Variants in TRPM3 observed in about 807,000 individuals in gnomAD.
TRPM3 encodes long transient receptor potential channel 3.
Under a neutral mutation model 181.2 loss-of-function variants are expected in TRPM3, and 77 were observed. That is an observed-to-expected ratio of 0.42 (90% CI 0.35 to 0.51). TRPM3 has a LOEUF of 0.51. Among genes scored for constraint, TRPM3 ranks in the 20% least tolerant of loss-of-function variants. The pLI is 0.01. For missense variants in TRPM3, 1,759 were observed against 2,196.7 expected (o/e 0.80, Z 3.98); for synonymous variants, 745 against 796.4 (o/e 0.94, Z 1.09).
At chr9:71,363,606 A>C (rs976380468) in intron 1 of TRPM3, among the ~76,000 whole-genome samples, 1 of 152,220 alleles carries the variant, frequency 6.6e-6, no homozygotes, top group Non-Finnish European at 1.5e-5. Context: ...CTAGAAGCTC[A>C]TAAGCCCAGA....
intron 1 of TRPM3, among the ~76,000 whole-genome samples, chr9:70,985,758 C>T (rs1167427914): frequency 1.3e-5 from 2 of 151,952 alleles, no homozygotes; most frequent in Admixed American, 6.6e-5. Context: ...TATGATTTAA[C>T]AAGGGAAGGG....
chr9:71,218,110 C>A (rs531507165), intron 1 of TRPM3, among the ~76,000 whole-genome samples: 32 of 152,232 alleles, frequency 2.1e-4, no homozygotes, highest in African/African-American at 7.7e-4. Flanking sequence ...AGAAAAGGGA[C>A]GTGGTTATTT....
chr9:71,123,526 C>T (rs556980695), upstream of TRPM3, among the ~76,000 whole-genome samples: 362 of 152,308 alleles, frequency 2.4e-3, 3 homozygotes, highest in Middle Eastern at 0.027. Flanking sequence ...GTACCATGAT[C>T]CATCTTCTGG....
At chr9:70,642,599 C>T (rs1205256209) in intron 9 of TRPM3, among the ~76,000 whole-genome samples, 2 of 152,116 alleles carry the variant, frequency 1.3e-5, no homozygotes, top group Non-Finnish European at 2.9e-5. Context: ...GGGATCCAGG[C>T]GCGGATATTT....
intron 18 of TRPM3, among the ~76,000 whole-genome samples, chr9:70,612,278 A>G (rs115288298): frequency 0.017 from 2,574 of 152,334 alleles, 76 homozygotes; most frequent in African/African-American, 0.056. Context: ...TAGTTTCACA[A>G]AGTTTGGAGA....
intron 1 of TRPM3, among the ~76,000 whole-genome samples, chr9:70,991,313 G>A (rs1265934782): frequency 6.6e-6 from 1 of 152,158 alleles, no homozygotes; most frequent in Non-Finnish European, 1.5e-5. Flanking sequence ...AATATTAACA[G>A]CAGTTGTGAC....
intron 1 of TRPM3, among the ~76,000 whole-genome samples, chr9:71,101,949 C>G (rs531479934): frequency 3.7e-4 from 56 of 152,274 alleles, no homozygotes; most frequent in African/African-American, 1.3e-3. Context: ...GCAATTAAAT[C>G]AAAACTATTC....
intron 1 of TRPM3, among the ~76,000 whole-genome samples, chr9:70,964,878 T>C (rs922187778): frequency 6.6e-6 from 1 of 152,114 alleles, no homozygotes; most frequent in African/African-American, 2.4e-5. Flanking sequence ...TTGAGATCAG[T>C]CTGTATTTCT....
At chr9:70,913,654 C>T (rs917737015) in intron 1 of TRPM3, among the ~76,000 whole-genome samples, 1 of 152,126 alleles carries the variant, frequency 6.6e-6, no homozygotes, top group African/African-American at 2.4e-5. Context: ...GAGGATCATT[C>T]ATGATGCCCA....
intron 1 of TRPM3, among the ~76,000 whole-genome samples, chr9:71,146,319 A>C (rs2075405533): frequency 6.6e-6 from 1 of 152,130 alleles, no homozygotes; most frequent in Non-Finnish European, 1.5e-5. Flanking sequence ...CCAGGCTCAT[A>C]CTATACATTC....
intron 1 of TRPM3, among the ~76,000 whole-genome samples, chr9:71,012,626 T>A (rs1179212263): frequency 2.6e-5 from 4 of 152,026 alleles, no homozygotes; most frequent in Admixed American, 2.6e-4. Flanking sequence ...AAAAGTGCTT[T>A]AAAGTTTTCC....
intron 1 of TRPM3, among the ~76,000 whole-genome samples, chr9:70,971,696 T>C (rs2097249255): frequency 6.6e-6 from 1 of 152,022 alleles, no homozygotes; most frequent in Non-Finnish European, 1.5e-5. Flanking sequence ...AGAACCCCAT[T>C]CTAGAGGGAA....
chr9:71,214,956 A>T (rs1405872126), intron 1 of TRPM3, among the ~76,000 whole-genome samples: 3 of 149,706 alleles, frequency 2.0e-5, no homozygotes. Context: ...AAGCCTCTTC[A>T]CTACTGTCAT....
intron 9 of TRPM3, among the ~76,000 whole-genome samples, chr9:70,643,933 C>T (rs1210423389): frequency 6.6e-6 from 1 of 152,150 alleles, no homozygotes; most frequent in African/African-American, 2.4e-5. Context: ...TTCATGCCTC[C>T]TTATATGGGA....
At chr9:70,787,763 C>CTTTTTTTTTTTTTTTTTTTTTTGGTTTT (rs2084089646) in intron 6 of TRPM3, among the ~76,000 whole-genome samples, 9 of 68,562 alleles carry the variant, frequency 1.3e-4, no homozygotes, top group South Asian at 1.7e-3. Flanking sequence ...TTTTTGGATT[C>CTTTTTTTTTTTTTTTTTTTTTTGGTTTT]TTTTTTTTTT....
At position 71,189,250 on chromosome 9, in the gene TRPM3, T is replaced by A. The variant is rs576312312; in HGVS notation, c.183+257403A>T. 2.0e-5 allele frequency among the ~76,000 whole-genome samples: 3 copies of A among 152,022 alleles called. No individual in the cohort carries two copies. In the South Asian group the frequency reaches 6.2e-4, roughly 32 times the overall value. Reference sequence around the variant, plus strand: ...TGCACAAGATCACCCACTTACTTGGTTCACTATGCTTTAGGAGTAGAGCTT... The same window carrying A: ...TGCACAAGATCACCCACTTACTTGGATCACTATGCTTTAGGAGTAGAGCTT... On this transcript the variant is annotated intron_variant, in intron 1 of 24. Transcript: ENST00000357533.
rs1032198486 is a variant in TRPM3 at position 71,181,928 on chromosome 9, C to T, written c.183+264725G>A. On this transcript the variant is annotated intron_variant, in intron 1 of 24. Transcript: ENST00000357533. ...TTAAAACACAAATTCCTGGGCCACT[C>T]AATAAATGCAGACTCAGAATCACCA... Among the ~76,000 whole-genome samples the T allele has an allele frequency of 3.9e-5, 6 of 152,144 alleles. No individual in the cohort carries two copies. In the South Asian group the frequency reaches 1.2e-3, roughly 32 times the overall value.
Position 71,328,706 on chromosome 9 carries a change from A to T in TRPM3, c.183+117947T>A, listed in dbSNP as rs567128064. On this transcript the variant is annotated intron_variant, in intron 1 of 24. Transcript: ENST00000357533. ...TGATGGGCATAGCAATACCTGTAAC[A>T]AAACAATCGCTTATTTAAAAATTCA... is the stretch of plus-strand genomic sequence containing the variant. Among the ~76,000 whole-genome samples the T allele has an allele frequency of 5.9e-5, 9 of 152,230 alleles. No individual in the cohort carries two copies. In the East Asian group the frequency reaches 1.7e-3, roughly 29 times the overall value.
intron 1 of TRPM3, among the ~76,000 whole-genome samples, chr9:71,086,215 G>T (rs992791358): frequency 2.6e-5 from 4 of 151,824 alleles, no homozygotes; most frequent in African/African-American, 9.7e-5. Flanking sequence ...AGGGAGGGAG[G>T]AGGGCAAGGT....
Sources: gnomAD v4.1 joint callset for allele counts (sites outside exome capture counted in the v4.1 genomes callset) on GRCh38, gnomAD v4.1.1 for gene constraint, MANE v1.5 for transcripts, NCBI Gene and HGNC (gene_info 2026-07-23, HGNC 2026-07-21) for gene names.